Variants in PRKG1 observed in about 807,000 individuals in gnomAD.
The protein encoded by PRKG1 is cGMP-dependent protein kinase 1.
In PRKG1, 35 loss-of-function variants were observed where a neutral mutation model predicts 88.1. The ratio of observed to expected loss-of-function variants is 0.40; its 90% CI spans 0.30 to 0.53. The LOEUF (loss-of-function observed/expected upper bound fraction) is 0.53. PRKG1 is among the 20% of genes least tolerant of loss of function. The pLI, the probability that PRKG1 is intolerant of heterozygous loss-of-function variation, is 0.59. For missense variants in PRKG1, 540 were observed against 839.8 expected, an observed-to-expected ratio of 0.64 and a Z score of 4.41; for synonymous variants, 303 against 292.5, an observed-to-expected ratio of 1.04 and a Z score of -0.37.
chr10:51,904,079 A>G (rs1022152422), intron 4 of PRKG1, among the ~76,000 whole-genome samples: 6 of 152,168 alleles, frequency 3.9e-5, no homozygotes, highest in African/African-American at 1.2e-4. Flanking sequence ...AGAAAAACCA[A>G]TGGAAAAGCA....
At chr10:51,218,763 A>G (rs949897616) in intron 2 of PRKG1, among the ~76,000 whole-genome samples, 1 of 151,906 alleles carries the variant, frequency 6.6e-6, no homozygotes, top group Non-Finnish European at 1.5e-5. Flanking sequence ...AAAGATTGGG[A>G]CCCAAGTTTA....
At chr10:52,231,995 T>C (rs1408496875) in intron 9 of PRKG1, among the ~76,000 whole-genome samples, 2 of 152,210 alleles carry the variant, frequency 1.3e-5, no homozygotes, top group Non-Finnish European at 2.9e-5. Context: ...TTTGTTTTCT[T>C]TGCTGGTGCT....
intron 1 of PRKG1, among the ~76,000 whole-genome samples, chr10:51,040,232 TTGTGTGTGTGTGTG>T (rs373057468): frequency 1.0e-4 from 12 of 117,844 alleles, no homozygotes; most frequent in South Asian, 3.4e-4. Context: ...TCCATTCCAT[TTGTGTGTGTGTGTG>T]TGTGTGTGTG....
chr10:52,032,451 G>A (rs1845496277), intron 5 of PRKG1, among the ~76,000 whole-genome samples: 1 of 152,106 alleles, frequency 6.6e-6, no homozygotes, highest in Non-Finnish European at 1.5e-5. Context: ...TCCTAATTGA[G>A]ATATCCTTAA....
At chr10:51,274,117 A>G (rs1343491412) in intron 2 of PRKG1, among the ~76,000 whole-genome samples, 2 of 152,216 alleles carry the variant, frequency 1.3e-5, no homozygotes, top group Non-Finnish European at 2.9e-5. Flanking sequence ...GTGAATATTT[A>G]TGACACCTTC....
chr10:51,086,638 C>A (rs1419493721), intron 1 of PRKG1, among the ~76,000 whole-genome samples: 1 of 152,126 alleles, frequency 6.6e-6, no homozygotes, highest in Non-Finnish European at 1.5e-5. Flanking sequence ...AACAGAAGAA[C>A]CAATATTGAA....
chr10:51,733,655 T>C (rs1193654624), intron 3 of PRKG1, among the ~76,000 whole-genome samples: 2 of 152,188 alleles, frequency 1.3e-5, no homozygotes, highest in East Asian at 3.8e-4. Context: ...ATAACAGGCT[T>C]AAGTGAAGTT....
chr10:51,284,831 T>G (rs1190383755), intron 2 of PRKG1, among the ~76,000 whole-genome samples: 1 of 151,264 alleles, frequency 6.6e-6, no homozygotes, highest in African/African-American at 2.4e-5. Context: ...ATGCCTTATA[T>G]TGTGTTCTGG....
intron 3 of PRKG1, among the ~76,000 whole-genome samples, chr10:51,740,278 C>T (rs965192488): frequency 1.3e-5 from 2 of 152,152 alleles, no homozygotes; most frequent in African/African-American, 4.8e-5. Flanking sequence ...GTCCCTCTGC[C>T]CTGGCCTCCC....
At chr10:51,017,464 GA>G (rs1843082051) in intron 1 of PRKG1, among the ~76,000 whole-genome samples, 3 of 152,136 alleles carry the variant, frequency 2.0e-5, no homozygotes, top group Non-Finnish European at 4.4e-5. Flanking sequence ...TTGTTTGAAT[GA>G]AAATAAGATA....
At chr10:51,898,922 A>T (rs1564698902) in intron 4 of PRKG1, among the ~76,000 whole-genome samples, 1 of 152,228 alleles carries the variant, frequency 6.6e-6, no homozygotes, top group Non-Finnish European at 1.5e-5. Flanking sequence ...TGGTATTATA[A>T]GAATATATTT....
chr10:51,102,160 G>T lies in PRKG1; in HGVS notation c.311+27259G>T, dbSNP rs182492048. On this transcript the variant is annotated intron_variant, in intron 1 of 17. Transcript: ENST00000373980. ...ATACAATATGCAAGTGACCTCAAAA[G>T]CATAAAACATAGTATAATAACTAGT... Among the ~76,000 whole-genome samples the T allele has an allele frequency of 3.3e-5, 5 of 152,218 alleles. No homozygotes were observed. In the East Asian group the frequency reaches 9.7e-4, roughly 29 times the overall value.
chr10:51,027,932 T>C (rs1434798780), intron 1 of PRKG1, among the ~76,000 whole-genome samples: 3 of 152,198 alleles, frequency 2.0e-5, no homozygotes, highest in Non-Finnish European at 2.9e-5. Context: ...ATCTCCTGGT[T>C]GTAATAATTA....
intron 10 of PRKG1, among the ~76,000 whole-genome samples, chr10:52,254,052 G>C (rs935725398): frequency 6.6e-6 from 1 of 151,868 alleles, no homozygotes; most frequent in African/African-American, 2.4e-5. Flanking sequence ...TACTTTTGGG[G>C]TATTAAAATA....
At chr10:52,179,521 A>G (rs180794634) in intron 9 of PRKG1, among the ~76,000 whole-genome samples, 46 of 152,014 alleles carry the variant, frequency 3.0e-4, no homozygotes, top group African/African-American at 1.0e-3. Flanking sequence ...TTTAGAATTC[A>G]TTCTTTGTTT....
chr10:51,858,018 A>T (rs1000964108), intron 4 of PRKG1, among the ~76,000 whole-genome samples: 3 of 142,792 alleles, frequency 2.1e-5, no homozygotes, highest in African/African-American at 7.8e-5. Flanking sequence ...GTGTCTTTAA[A>T]GGCAGGAAAA....
intron 1 of PRKG1, among the ~76,000 whole-genome samples, chr10:51,103,890 T>G (rs1343910884): frequency 1.3e-5 from 2 of 152,154 alleles, no homozygotes; most frequent in Admixed American, 1.3e-4. Context: ...CAACAGCTGC[T>G]AACAATCAGA....
At chr10:51,789,379 G>A (rs749959050) in intron 3 of PRKG1, among the ~76,000 whole-genome samples, 6 of 152,144 alleles carry the variant, frequency 3.9e-5, no homozygotes, top group African/African-American at 7.2e-5. Flanking sequence ...GCTTTTGACC[G>A]AATCTCAAAA....
At chr10:51,659,156 T>C (rs1840234013) in intron 3 of PRKG1, among the ~76,000 whole-genome samples, 1 of 152,302 alleles carries the variant, frequency 6.6e-6, no homozygotes, top group Non-Finnish European at 1.5e-5. Context: ...ATGCTTTTTA[T>C]ATAATTCAAG....
Sources: gnomAD v4.1 joint callset for allele counts (sites outside exome capture counted in the v4.1 genomes callset) on GRCh38, gnomAD v4.1.1 for gene constraint, MANE v1.5 for transcripts, NCBI Gene and HGNC (gene_info 2026-07-23, HGNC 2026-07-21) for gene names.